The following CRYBG1 variants were observed in gnomAD, a reference collection of about 807,000 sequenced individuals.
The protein encoded by CRYBG1 is beta/gamma crystallin domain-containing protein 1.
A neutral mutation model predicts 189.2 loss-of-function variants in CRYBG1; 139 were observed. The observed-to-expected ratio is 0.73, with a 90% CI of 0.64 to 0.85. CRYBG1 has a LOEUF of 0.85. CRYBG1 is among the 40% of genes least tolerant of loss of function. CRYBG1 has a pLI of 0.00. For missense variants in CRYBG1, 2,611 were observed against 2,675.8 expected (o/e 0.98, Z 0.53); for synonymous variants, 1,023 against 1,017.1 (o/e 1.01, Z -0.11).
intron 1 of CRYBG1, among the ~76,000 whole-genome samples, chr6:106,379,437 A>AT (rs1240686939): frequency 6.8e-6 from 1 of 146,648 alleles, no homozygotes; most frequent in Non-Finnish European, 1.5e-5. Context: ...AATTTTTTGT[A>AT]TTTTTAGTAG....
At chr6:106,462,258 C>G (rs1009056664) in intron 2 of CRYBG1, among the ~76,000 whole-genome samples, 3 of 152,206 alleles carry the variant, frequency 2.0e-5, no homozygotes, top group African/African-American at 7.2e-5. Context: ...GCAAGCTCCG[C>G]CTCCCGGGTT....
At position 106,568,759 on chromosome 6, in the gene CRYBG1, C is replaced by A; in HGVS notation, c.*193C>A. 5 of 486,436 alleles carry A rather than the reference C, an allele frequency of 1.0e-5. No individual in the cohort carries two copies. The South Asian group carries it at 2.1e-4, about 20-fold the overall frequency. The allele number at this position is 486,436 out of a possible 1,614,324, so 30.1% of individuals were successfully genotyped here. A position where few individuals can be genotyped will look rare whatever the true frequency, so the allele number is the denominator to read the frequency against. ...TCAAAAGACTATCATAGCTTTAAAC[C>A]AATAATTTGTCCTCCTTTCATTTCT... On this transcript the variant is annotated 3_prime_UTR_variant, in exon 22 of 22. Coordinates refer to ENST00000633556, the MANE Select transcript of CRYBG1 (RefSeq NM_001371242.2).
chr6:106,544,708 G>T lies in CRYBG1; in HGVS notation c.5166+11G>T, dbSNP rs1308344450. 6.2e-7 allele frequency: 1 copy of T among 1,612,126 alleles called. No individual in the cohort carries two copies. Among genetic ancestry groups the T allele is most frequent in the Non-Finnish European group, 8.5e-7 (1 of 1,179,390 alleles). On this transcript the variant is annotated intron_variant, in intron 12 of 21. Coordinates refer to ENST00000633556, the MANE Select transcript of CRYBG1 (RefSeq NM_001371242.2). ...CGACCTATATTAGGTGTAAGTAAAGGACAAGCTAATGGCTAATACTTGGTC... is the reference window on the plus strand; with the variant it reads ...CGACCTATATTAGGTGTAAGTAAAGTACAAGCTAATGGCTAATACTTGGTC...
At chr6:106,470,687 G>T (rs1045015868) in intron 2 of CRYBG1, among the ~76,000 whole-genome samples, 1 of 152,140 alleles carries the variant, frequency 6.6e-6, no homozygotes, top group African/African-American at 2.4e-5. Context: ...TACTTAGACC[G>T]CCTTTCTCAA....
rs537989015 is a variant in CRYBG1 at position 106,382,558 on chromosome 6, C to G, written c.173+21477C>G. ...TCTAAAAATGAATTTTTTGGCCAAG[C>G]ATGGTGGCTCATGCCTGTAATACCA... On this transcript the variant is annotated intron_variant, in intron 1 of 21. Coordinates refer to ENST00000633556, the MANE Select transcript of CRYBG1 (RefSeq NM_001371242.2). 2.6e-5 allele frequency among the ~76,000 whole-genome samples: 4 copies of G among 152,206 alleles called. No individual in the cohort carries two copies. The East Asian group carries it at 5.8e-4, about 22-fold the overall frequency.
At position 106,568,699 on chromosome 6, in the gene CRYBG1, C is replaced by A; in HGVS notation, c.*133C>A. ...ATTGATTCTAAATTCAACCTTAAAT[C>A]ATGCTGCCATGACTCAGAGAACTTA... On this transcript the variant is annotated 3_prime_UTR_variant, in exon 22 of 22. Coordinates refer to ENST00000633556, the MANE Select transcript of CRYBG1 (RefSeq NM_001371242.2). 1 of 619,442 alleles carries A rather than the reference C, an allele frequency of 1.6e-6. No individual in the cohort carries two copies. 38.4% of individuals were successfully genotyped at this position (619,442 alleles called of 1,614,324 possible).
At chr6:106,447,124 T>C (rs1770563821) in intron 1 of CRYBG1, among the ~76,000 whole-genome samples, 1 of 152,348 alleles carries the variant, frequency 6.6e-6, no homozygotes. Context: ...CTGCTAAGAC[T>C]GCAGACCAAT....
At chr6:106,459,848 G>A (rs1268402537) in intron 2 of CRYBG1, among the ~76,000 whole-genome samples, 1 of 152,064 alleles carries the variant, frequency 6.6e-6, no homozygotes, top group Admixed American at 6.6e-5. Context: ...CTATCAAATT[G>A]TCCGTTGAAA....
chr6:106,538,673 A>C (rs1582825847), intron 8 of CRYBG1, among the ~76,000 whole-genome samples: 1 of 152,058 alleles, frequency 6.6e-6, no homozygotes, highest in Non-Finnish European at 1.5e-5. Context: ...CGGGCGGATC[A>C]CCTGAGGCCA....
At chr6:106,417,833 C>T (rs538750207) in intron 1 of CRYBG1, among the ~76,000 whole-genome samples, 21 of 152,370 alleles carry the variant, frequency 1.4e-4, no homozygotes, top group Admixed American at 3.3e-4. Context: ...TGCTGTTGCC[C>T]AGGCAAGGGT....
At chr6:106,565,057 C>T (rs573346924) in intron 21 of CRYBG1, among the ~76,000 whole-genome samples, 9 of 152,246 alleles carry the variant, frequency 5.9e-5, no homozygotes, top group East Asian at 1.9e-4. Flanking sequence ...CCGTGGCTCA[C>T]GCCTGTAATC....
chr6:106,527,289 T>G lies in CRYBG1; in HGVS notation c.4413-16T>G, dbSNP rs1419250198. 1 of 1,600,934 alleles carries G rather than the reference T, an allele frequency of 6.2e-7. No individual in the cohort carries two copies. The highest frequency in any genetic ancestry group is 8.5e-7 in the Non-Finnish European group (1 of 1,173,402). On this transcript the variant is annotated splice_polypyrimidine_tract_variant and intron_variant, in intron 6 of 21. Coordinates refer to ENST00000633556, the MANE Select transcript of CRYBG1 (RefSeq NM_001371242.2). Reference sequence around the variant, plus strand: ...CACGAAGACTGACTAATGGTTTTGCTGTGTTTTATTGTTAGTTGGATTTTG... The same window carrying G: ...CACGAAGACTGACTAATGGTTTTGCGGTGTTTTATTGTTAGTTGGATTTTG...
rs1773264614 is a variant in CRYBG1, at chr6:106,511,778, GCTGTGGC to G, written c.662_668del (p.Ala221ValfsTer13). 6.5e-7 allele frequency: 1 copy of G among 1,534,348 alleles called. No individual in the cohort carries two copies. The highest frequency in any genetic ancestry group is 1.2e-5 in the South Asian group (1 of 83,884). On this transcript the variant is annotated frameshift_variant, in exon 3 of 22. Coordinates refer to ENST00000633556, the MANE Select transcript of CRYBG1 (RefSeq NM_001371242.2). LOFTEE classifies it high-confidence loss of function. ...ACCTCGCTGGAGCAGCAGTGCAGCG[GCTGTGGC>G]TGTGCAGCAGTGCCATGAAAATGAT... is the stretch of plus-strand genomic sequence containing the variant.
intron 2 of CRYBG1, among the ~76,000 whole-genome samples, chr6:106,456,519 C>T (rs991254037): frequency 6.6e-6 from 1 of 152,130 alleles, no homozygotes; most frequent in Non-Finnish European, 1.5e-5. Context: ...GTATGTTTGC[C>T]AGTTTCTAGC....
At chr6:106,502,957 A>G (rs145141510) in intron 2 of CRYBG1, among the ~76,000 whole-genome samples, 165 of 152,292 alleles carry the variant, frequency 1.1e-3, no homozygotes, top group African/African-American at 3.9e-3. Context: ...CATGCCCCAC[A>G]AAACTTCATT....
chr6:106,382,249 G>T (rs897131342), intron 1 of CRYBG1, among the ~76,000 whole-genome samples: 6 of 152,170 alleles, frequency 3.9e-5, no homozygotes, highest in Non-Finnish European at 5.9e-5. Context: ...GCACTTTAAG[G>T]GGAGTAGTAT....
intron 1 of CRYBG1, among the ~76,000 whole-genome samples, chr6:106,403,518 A>G (rs1014822950): frequency 3.9e-5 from 6 of 152,228 alleles, no homozygotes; most frequent in Non-Finnish European, 8.8e-5. Flanking sequence ...AGGGAATGGC[A>G]ATTGGATTTG....
chr6:106,526,697 G>A (rs1042043157), intron 6 of CRYBG1, among the ~76,000 whole-genome samples: 4 of 151,862 alleles, frequency 2.6e-5, no homozygotes, highest in African/African-American at 4.8e-5. Context: ...ATTCCAGCAC[G>A]TTGGGAGGCC....
At chr6:106,472,256 C>T (rs1772247057) in intron 2 of CRYBG1, among the ~76,000 whole-genome samples, 1 of 152,098 alleles carries the variant, frequency 6.6e-6, no homozygotes, top group Admixed American at 6.5e-5. Flanking sequence ...CTCTCATGAA[C>T]ACAAAGTGTA....
Sources: allele counts gnomAD v4.1 joint callset (sites outside exome capture counted in the v4.1 genomes callset), GRCh38; gene constraint gnomAD v4.1.1; transcripts MANE v1.5; gene names NCBI Gene and HGNC (gene_info 2026-07-23, HGNC 2026-07-21).